Variants in EXOC4 observed in about 807,000 individuals in gnomAD.
EXOC4 encodes SEC8-like 1.
Under a neutral mutation model 107.2 loss-of-function variants are expected in EXOC4, and 71 were observed. The observed-to-expected ratio is 0.66, with a 90% CI of 0.55 to 0.81. The LOEUF (loss-of-function observed/expected upper bound fraction) is 0.81. EXOC4 is among the 30% of genes least tolerant of loss of function. The pLI is 0.00. For synonymous variants in EXOC4, 456 were observed against 441.2 expected (o/e 1.03, Z -0.42); for missense variants, 1,108 against 1,189.6 (o/e 0.93, Z 1.01).
intron 10 of EXOC4, among the ~76,000 whole-genome samples, chr7:133,723,483 T>C (rs1364816647): frequency 4.5e-5 from 3 of 66,732 alleles, no homozygotes; most frequent in African/African-American, 5.8e-5. Flanking sequence ...TTTTTTTTTC[T>C]TTCTTTCTTT....
chr7:133,449,764 A>G (rs920925125), intron 7 of EXOC4, among the ~76,000 whole-genome samples: 3 of 111,206 alleles, frequency 2.7e-5, no homozygotes, highest in Non-Finnish European at 5.7e-5. Flanking sequence ...TCTTTTTACA[A>G]ACATTATTTC....
intron 3 of EXOC4, 48 bp downstream of exon 3, chr7:133,289,164 G>A (rs1413279350): frequency 7.2e-6 from 11 of 1,533,676 alleles, no homozygotes; most frequent in Non-Finnish European, 8.9e-6. Context: ...AGATGTAAAA[G>A]CACTCTCTTT....
chr7:133,996,871 T>C (rs1266301170), intron 14 of EXOC4, among the ~76,000 whole-genome samples: 1 of 152,198 alleles, frequency 6.6e-6, no homozygotes, highest in Non-Finnish European at 1.5e-5. Flanking sequence ...TGAAGAACTG[T>C]GGACATTCCG....
At chr7:133,484,016 C>G (rs200551258) in intron 9 of EXOC4, 27 of 1,613,716 alleles carry the variant, frequency 1.7e-5, no homozygotes, top group Non-Finnish European at 2.1e-5. Flanking sequence ...TCGGTTCATA[C>G]GTCAACTTTT....
At chr7:133,825,523 A>G (rs1246285679) in intron 11 of EXOC4, among the ~76,000 whole-genome samples, 3 of 152,222 alleles carry the variant, frequency 2.0e-5, no homozygotes, top group African/African-American at 4.8e-5. Flanking sequence ...TACTTACAGT[A>G]TAATAATTTG....
At chr7:134,049,593 A>G (rs1037508663) in intron 17 of EXOC4, among the ~76,000 whole-genome samples, 24 of 152,222 alleles carry the variant, frequency 1.6e-4, no homozygotes, top group African/African-American at 5.8e-4. Flanking sequence ...GGCTGCTCTC[A>G]GAAACCTACA....
intron 10 of EXOC4, among the ~76,000 whole-genome samples, chr7:133,755,244 A>ATATATATATTATATATATATTATATATAT (rs1231883586): frequency 2.4e-5 from 2 of 82,324 alleles, no homozygotes; most frequent in Non-Finnish European, 4.7e-5. Flanking sequence ...AATATATATA[A>ATATATATATTATATATATATTATATATAT]TATATATATT....
chr7:134,033,796 A>T (rs543681658), intron 17 of EXOC4, among the ~76,000 whole-genome samples: 1 of 152,218 alleles, frequency 6.6e-6, no homozygotes, highest in Non-Finnish European at 1.5e-5. Context: ...AGAGAGGGGC[A>T]TAAAAAAAAG....
At chr7:134,055,636 CA>C in intron 17 of EXOC4, among the ~76,000 whole-genome samples, 1 of 152,302 alleles carries the variant, frequency 6.6e-6, no homozygotes, top group South Asian at 2.1e-4. Context: ...ATCTCATTTC[CA>C]ACCCTGGTCG....
intron 10 of EXOC4, among the ~76,000 whole-genome samples, chr7:133,686,501 C>G (rs1794300844): frequency 6.6e-6 from 1 of 152,114 alleles, no homozygotes; most frequent in African/African-American, 2.4e-5. Flanking sequence ...GACGTCCTTC[C>G]TCAGGAATGG....
chr7:134,077,765 C>G, the EXOC4 span, among the ~76,000 whole-genome samples: 1 of 152,376 alleles, frequency 6.6e-6, no homozygotes, highest in Admixed American at 6.5e-5. Context: ...CTAGGTTTGT[C>G]TGAGCACAGG....
intron 9 of EXOC4, among the ~76,000 whole-genome samples, chr7:133,540,942 CT>C (rs1181640118): frequency 6.6e-6 from 1 of 151,950 alleles, no homozygotes; most frequent in Non-Finnish European, 1.5e-5. Flanking sequence ...GCTATTTCCC[CT>C]TTTTTGACGT....
intron 9 of EXOC4, among the ~76,000 whole-genome samples, chr7:133,598,012 C>G (rs755428106): frequency 6.6e-6 from 1 of 152,016 alleles, no homozygotes; most frequent in African/African-American, 2.4e-5. Context: ...GAGCAACACT[C>G]TGTCTCAAAT....
At position 133,763,144 on chromosome 7, in the gene EXOC4, A is replaced by G. The variant is rs79125438; in HGVS notation, c.1515-54181A>G. 9.2e-5 allele frequency among the ~76,000 whole-genome samples: 14 copies of G among 152,182 alleles called. No homozygotes were observed. In the East Asian group the frequency reaches 2.7e-3, roughly 29 times the overall value. On this transcript the variant is annotated intron_variant, in intron 10 of 17. Coordinates refer to ENST00000253861, the MANE Select transcript of EXOC4 (RefSeq NM_021807.4). ...TAATGTAGAGAATCACCATATGGGGATATATATCCCAGTGAGTAAAACAAG... is the reference window on the plus strand; with the variant it reads ...TAATGTAGAGAATCACCATATGGGGGTATATATCCCAGTGAGTAAAACAAG...
chr7:134,042,944 G>T (rs902386852), intron 17 of EXOC4, among the ~76,000 whole-genome samples: 3 of 152,182 alleles, frequency 2.0e-5, no homozygotes, highest in Non-Finnish European at 4.4e-5. Context: ...CGGGGGCTGA[G>T]GCAGGAGAAT....
intron 9 of EXOC4, among the ~76,000 whole-genome samples, chr7:133,624,623 C>T (rs1258161365): frequency 2.0e-5 from 3 of 152,044 alleles, no homozygotes; most frequent in Non-Finnish European, 2.9e-5. Flanking sequence ...GGCAGAGTCT[C>T]GCTCTGTCGG....
intron 17 of EXOC4, among the ~76,000 whole-genome samples, chr7:134,034,330 T>C (rs904494712): frequency 6.6e-6 from 1 of 152,242 alleles, no homozygotes; most frequent in Non-Finnish European, 1.5e-5. Flanking sequence ...AGGAAATGTG[T>C]GGCCTGCATG....
chr7:134,070,220 A>AT (rs1796254599), downstream of EXOC4, among the ~76,000 whole-genome samples: 1 of 152,242 alleles, frequency 6.6e-6, no homozygotes, highest in Non-Finnish European at 1.5e-5. Context: ...TGTCCTAATT[A>AT]GGCACAGTTG....
rs1192239303 is a variant in EXOC4, at chr7:134,004,975, T to C, written c.2412T>C (p.Asn804=). The C allele has an allele frequency of 6.2e-7, 1 of 1,613,598 alleles. No homozygotes were observed. Among genetic ancestry groups the C allele is most frequent in the Admixed American group, 1.7e-5 (1 of 59,966 alleles). ...AKEGNYAIVA[N]VESMDYDPLV... is the part of the protein sequence containing the mutation. ...AGGGGAACTATGCCATTGTGGCTAATGTGGAAAGTATGGATTATGACCCCC... is the reference window on the plus strand; with the variant it reads ...AGGGGAACTATGCCATTGTGGCTAACGTGGAAAGTATGGATTATGACCCCC... Residue 804 remains asparagine (N), a synonymous_variant, in exon 16 of 18, where the codon AAT becomes AAC. Transcript: ENST00000253861.
Sources: gnomAD v4.1 joint callset for allele counts (sites outside exome capture counted in the v4.1 genomes callset) on GRCh38, gnomAD v4.1.1 for gene constraint, MANE v1.5 for transcripts, NCBI Gene and HGNC (gene_info 2026-07-23, HGNC 2026-07-21) for gene names.